Variants in PKHD1L1 observed in about 807,000 individuals in gnomAD.
The protein encoded by PKHD1L1 is PKHD1 like 1.
In PKHD1L1, 434 loss-of-function variants were observed where a neutral mutation model predicts 462.9. The ratio of observed to expected loss-of-function variants is 0.94; its 90% confidence interval spans 0.87 to 1.02. The LOEUF is 1.02. Ranked by LOEUF, PKHD1L1 falls within the 50% of genes least tolerant of loss-of-function variation. The probability of loss-of-function intolerance (pLI) is 0.00; values close to 1 mark genes in which losing one functional copy is unlikely to be tolerated. For missense variants in PKHD1L1, 5,202 were observed against 5,096.1 expected (o/e 1.02, Z -0.63); for synonymous variants, 1,781 against 1,750.0 (o/e 1.02, Z -0.44).
chr8:109,455,802 C>T (rs1018724429), intron 45 of PKHD1L1, among the ~76,000 whole-genome samples: 1 of 151,914 alleles, frequency 6.6e-6, no homozygotes. Flanking sequence ...TTTAGAATAC[C>T]ATAAACATGA....
In PKHD1L1 at chr8:109,425,198, C is replaced by G. The variant is rs756735640; in HGVS notation, c.2811C>G (p.Ser937Arg). ...IQAASPPLSGSFDIQAYGHIL... is the reference protein window; with the variant it reads ...IQAASPPLSGRFDIQAYGHIL... ...CTGCATCTCCACCTCTAAGTGGCAG[C>G]TTTGACATTCAAGCTTATGGACATA... Residue 937 changes from serine (S) to arginine (R), a missense_variant, in exon 24 of 78, where the codon AGC (serine) becomes AGG (arginine). By Grantham distance (110) the Ser-to-Arg change is moderately radical (BLOSUM62 -1). Transcript: ENST00000378402. 1 of 1,606,434 alleles carries G rather than the reference C, an allele frequency of 6.2e-7. No homozygotes were observed. Among genetic ancestry groups the G allele is most frequent in the Non-Finnish European group, 8.5e-7 (1 of 1,177,416 alleles).
chr8:109,423,027 G>A (rs964498447), intron 23 of PKHD1L1, among the ~76,000 whole-genome samples: 1 of 152,070 alleles, frequency 6.6e-6, no homozygotes, highest in Non-Finnish European at 1.5e-5. Context: ...ACTGTGAAAT[G>A]TCTAGGTATA....
intron 63 of PKHD1L1, among the ~76,000 whole-genome samples, chr8:109,495,655 T>G (rs1256531858): frequency 4.6e-5 from 7 of 152,082 alleles, no homozygotes; most frequent in Non-Finnish European, 1.0e-4. Context: ...CTTCTTTTAA[T>G]AATAATAATT....
chr8:109,442,360 A>G (rs1260716921), intron 35 of PKHD1L1, among the ~76,000 whole-genome samples, 165 bp downstream of exon 35: 1 of 152,198 alleles, frequency 6.6e-6, no homozygotes, highest in African/African-American at 2.4e-5. Flanking sequence ...TAATGAGTGT[A>G]AGCAAGTTAT....
chr8:109,452,538 A>G (rs563214024), intron 42 of PKHD1L1, among the ~76,000 whole-genome samples, 180 bp from the exon 43 acceptor site: 1 of 151,284 alleles, frequency 6.6e-6, no homozygotes, highest in African/African-American at 2.4e-5. Context: ...ATAAACCAAG[A>G]GGCAATTATG....
chr8:109,419,070 A>G, intron 21 of PKHD1L1, 27 bp from the exon 22 acceptor site: 1 of 1,592,982 alleles, frequency 6.3e-7, no homozygotes, highest in African/African-American at 1.3e-5. Context: ...ACTGATCTAT[A>G]CAACAAATTA....
intron 63 of PKHD1L1, among the ~76,000 whole-genome samples, 192 bp downstream of exon 63, chr8:109,493,943 A>G (rs1251612158): frequency 1.3e-5 from 2 of 151,928 alleles, no homozygotes; most frequent in African/African-American, 4.8e-5. Flanking sequence ...TCTAAGGAAA[A>G]CTTTATTTTC....
chr8:109,483,311 C>T (rs2130893481), intron 57 of PKHD1L1, among the ~76,000 whole-genome samples: 1 of 150,948 alleles, frequency 6.6e-6, no homozygotes, highest in East Asian at 1.9e-4. Context: ...AAATAGAGAA[C>T]ATTATGTGTG....
At chr8:109,488,112 A>G (rs904515373) in intron 59 of PKHD1L1, among the ~76,000 whole-genome samples, 3 of 151,982 alleles carry the variant, frequency 2.0e-5, no homozygotes, top group African/African-American at 7.2e-5. Flanking sequence ...CTCATTTATA[A>G]TAAAGAAAAT....
chr8:109,530,126 T>A lies in PKHD1L1; in HGVS notation c.*36T>A. 1 of 1,269,904 alleles carries A rather than the reference T, an allele frequency of 7.9e-7. No homozygotes were observed. Among genetic ancestry groups the A allele is most frequent in the African/African-American group, 1.6e-5 (1 of 62,940 alleles). The allele number at this position is 1,269,904 out of a possible 1,614,324, so 78.7% of individuals were successfully genotyped here. ...CGAAGAATAGGCTGAAACAAAAATATAAGAATTATTAGCTACTTTGTTGGG... is the reference window on the plus strand; with the variant it reads ...CGAAGAATAGGCTGAAACAAAAATAAAAGAATTATTAGCTACTTTGTTGGG... On this transcript the variant is annotated 3_prime_UTR_variant, in exon 78 of 78. Coordinates refer to ENST00000378402, the MANE Select transcript of PKHD1L1 (RefSeq NM_177531.6).
At position 109,372,193 on chromosome 8, in the gene PKHD1L1, G is replaced by A. The variant is rs559635873; in HGVS notation, c.163+7557G>A. Among the ~76,000 whole-genome samples, 16 of 152,232 alleles carry A rather than the reference G, an allele frequency of 1.1e-4. No homozygotes were observed. In the South Asian group the frequency reaches 3.3e-3, roughly 32 times the overall value. On this transcript the variant is annotated intron_variant, in intron 2 of 77. Coordinates refer to ENST00000378402, the MANE Select transcript of PKHD1L1 (RefSeq NM_177531.6). Reference sequence around the variant, plus strand: ...CTTTTATTTCATTGAGCAGTGGTTTGTAGTTCTCCTTGAAGAGGCCCTTCA... The same window carrying A: ...CTTTTATTTCATTGAGCAGTGGTTTATAGTTCTCCTTGAAGAGGCCCTTCA...
At chr8:109,515,667 G>T (rs539302511) in intron 72 of PKHD1L1, among the ~76,000 whole-genome samples, 1 of 152,216 alleles carries the variant, frequency 6.6e-6, no homozygotes, top group Non-Finnish European at 1.5e-5. Context: ...CTATTTCATA[G>T]AAGTTAGAAC....
intron 4 of PKHD1L1, among the ~76,000 whole-genome samples, chr8:109,383,659 C>T (rs1365251880): frequency 6.6e-6 from 1 of 151,358 alleles, no homozygotes; most frequent in African/African-American, 2.4e-5. Context: ...TCCCAGATAT[C>T]TCTGGCTTTC....
chr8:109,490,428 C>T (rs1818770480), intron 60 of PKHD1L1, among the ~76,000 whole-genome samples: 1 of 151,652 alleles, frequency 6.6e-6, no homozygotes, highest in Non-Finnish European at 1.5e-5. Flanking sequence ...TCTACACCTC[C>T]ATCAAAAGTG....
chr8:109,419,759 G>C (rs973529975), intron 22 of PKHD1L1, among the ~76,000 whole-genome samples: 2 of 152,012 alleles, frequency 1.3e-5, no homozygotes, highest in African/African-American at 4.8e-5. Flanking sequence ...TTTATTAGAT[G>C]TAATAATAAT....
chr8:109,438,216 A>G, intron 30 of PKHD1L1, 108 bp from the exon 31 acceptor site: 2 of 838,222 alleles, frequency 2.4e-6, no homozygotes, highest in Non-Finnish European at 1.7e-6. Context: ...CTTGACTTTG[A>G]AGTAAAACAT....
Position 109,435,354 on chromosome 8 carries a change from G to C in PKHD1L1, c.3505G>C (p.Gly1169Arg), listed in dbSNP as rs1815347875. The change falls in exon 29 of 78, where the codon GGT becomes CGT. Residue 1169 changes from glycine to arginine, a missense_variant and splice_region_variant. Transcript: ENST00000378402. ...HIWPDSGSIA[G>R]GTLLTLSGFG... ...CTGGCCTGATTCTGGAAGCATAGCA[G>C]GTAATGGTTAATAGTTTAAACAGAG... The C allele has an allele frequency of 1.2e-6, 2 of 1,610,998 alleles. No individual in the cohort carries two copies. The highest frequency in any genetic ancestry group is 1.3e-5 in the African/African-American group (1 of 74,898).
intron 14 of PKHD1L1, 76 bp from the exon 15 acceptor site, chr8:109,404,478 T>C (rs1813426164): frequency 3.6e-6 from 3 of 823,798 alleles, no homozygotes; most frequent in East Asian, 3.2e-5. Flanking sequence ...ATAATATTGA[T>C]ATTTTATTCA....
chr8:109,401,028 T>G (rs1813244622), intron 13 of PKHD1L1, among the ~76,000 whole-genome samples: 1 of 152,196 alleles, frequency 6.6e-6, no homozygotes, highest in Non-Finnish European at 1.5e-5. Context: ...CCAAAGCATG[T>G]GTACTCCAAA....
Sources: gnomAD v4.1 joint callset for allele counts (sites outside exome capture counted in the v4.1 genomes callset) on GRCh38, gnomAD v4.1.1 for gene constraint, MANE v1.5 for transcripts, NCBI Gene and HGNC (gene_info 2026-07-23, HGNC 2026-07-21) for gene names.